Variants in MYT1L observed in about 807,000 individuals in gnomAD.
MYT1L encodes myelin transcription factor 1 like.
In MYT1L, 12 loss-of-function variants were observed where a neutral mutation model predicts 126.7. That is an observed-to-expected ratio of 0.09 (90% CI 0.06 to 0.15). The LOEUF (loss-of-function observed/expected upper bound fraction) is 0.15, where lower values mean the gene tolerates loss of function less well. Ranked by LOEUF, MYT1L falls within the 10% of genes least tolerant of loss-of-function variation. The pLI is 1.00. For missense variants in MYT1L, 979 were observed against 1,585.2 expected (o/e 0.62, Z 6.49); for synonymous variants, 541 against 604.2 (o/e 0.90, Z 1.53).
intron 3 of MYT1L, among the ~76,000 whole-genome samples, chr2:2,120,779 G>C (rs1207327394): frequency 6.6e-6 from 1 of 152,128 alleles, no homozygotes; most frequent in Non-Finnish European, 1.5e-5. Flanking sequence ...GGATACGAAT[G>C]TGCGCATTGC....
chr2:1,980,316 CTA>C (rs142559534), intron 5 of MYT1L, among the ~76,000 whole-genome samples: 27 of 146,522 alleles, frequency 1.8e-4, no homozygotes, highest in African/African-American at 6.2e-4. Flanking sequence ...ATATTTATAT[CTA>C]TATATACACA....
chr2:1,844,520 G>A (rs2042239605), intron 19 of MYT1L, among the ~76,000 whole-genome samples: 1 of 152,194 alleles, frequency 6.6e-6, no homozygotes, highest in Admixed American at 6.5e-5. Context: ...AGAAGGATCT[G>A]AGCGGCCACT....
intron 9 of MYT1L, among the ~76,000 whole-genome samples, chr2:1,937,965 C>T (rs1400001775): frequency 4.6e-5 from 7 of 152,188 alleles, no homozygotes; most frequent in Non-Finnish European, 1.0e-4. Flanking sequence ...GATTTAGCCC[C>T]GTGATCAAGT....
chr2:1,858,277 A>G (rs2148591576), intron 18 of MYT1L, among the ~76,000 whole-genome samples: 1 of 152,352 alleles, frequency 6.6e-6, no homozygotes, highest in Non-Finnish European at 1.5e-5. Context: ...CTCGATACCC[A>G]TTTTTAGTCT....
rs188048684 is a variant in MYT1L, at chr2:1,965,060, G to C, written c.152+14105C>G. Reference sequence around the variant, plus strand: ...AAAATTAAATTCACCAGAGTATTCCGGTCACCAGCAGCACTACTATGCACA... The same window carrying C: ...AAAATTAAATTCACCAGAGTATTCCCGTCACCAGCAGCACTACTATGCACA... On this transcript the variant is annotated intron_variant, in intron 8 of 24. Coordinates refer to ENST00000647738, the MANE Select transcript of MYT1L (RefSeq NM_001303052.2). 3.0e-4 allele frequency among the ~76,000 whole-genome samples: 45 copies of C among 152,306 alleles called. No homozygotes were observed. In the South Asian group the frequency reaches 8.9e-3, roughly 30 times the overall value.
chr2:2,026,268 G>C (rs1000987750), intron 4 of MYT1L, among the ~76,000 whole-genome samples: 1 of 152,190 alleles, frequency 6.6e-6, no homozygotes, highest in East Asian at 1.9e-4. Flanking sequence ...AGGGTGTGCG[G>C]GGGACGTGGG....
Position 1,801,663 on chromosome 2 carries a change from A to C in MYT1L, c.3276+33T>G. The C allele has an allele frequency of 2.9e-6, 4 of 1,366,806 alleles. No homozygotes were observed. Among genetic ancestry groups the C allele is most frequent in the Non-Finnish European group, 3.1e-6 (3 of 963,150 alleles). 84.7% of individuals were successfully genotyped at this position (1,366,806 alleles called of 1,614,324 possible). A position where few individuals can be genotyped will look rare whatever the true frequency, so the allele number is the denominator to read the frequency against. On this transcript the variant is annotated intron_variant, in intron 23 of 24. Transcript: ENST00000647738. This position sits in a 1 kb window ranked among gnomAD's most constrained non-coding sequence, Gnocchi z 4.2. ...TATCTCTGGTATAATGGCGCGTGTT[A>C]GAGCTAAAATTGAGGGCTTCAAAAA...
At chr2:1,850,123 C>A (rs2043033995) in intron 19 of MYT1L, among the ~76,000 whole-genome samples, 1 of 151,140 alleles carries the variant, frequency 6.6e-6, no homozygotes, top group Non-Finnish European at 1.5e-5. Flanking sequence ...CGCTCCCTTC[C>A]CTCCTGCCCC....
intron 3 of MYT1L, among the ~76,000 whole-genome samples, chr2:2,156,979 A>T (rs1046956757): frequency 5.3e-5 from 8 of 152,230 alleles, no homozygotes; most frequent in African/African-American, 1.7e-4. Context: ...TTTGGGGGAA[A>T]ATCTCAAGAT....
intron 8 of MYT1L, among the ~76,000 whole-genome samples, chr2:1,960,878 C>G (rs1042745515): frequency 6.6e-6 from 1 of 152,090 alleles, no homozygotes; most frequent in East Asian, 1.9e-4. Context: ...GCAGTGCACC[C>G]GCCTCCCTGG....
At chr2:2,003,823 C>T (rs1311675155) in intron 4 of MYT1L, among the ~76,000 whole-genome samples, 1 of 152,234 alleles carries the variant, frequency 6.6e-6, no homozygotes, top group East Asian at 1.9e-4. Context: ...TCTCATGGCC[C>T]CAGGCCCGGC....
intron 18 of MYT1L, among the ~76,000 whole-genome samples, chr2:1,861,176 G>A (rs1164054816): frequency 2.6e-5 from 4 of 152,170 alleles, no homozygotes; most frequent in Non-Finnish European, 5.9e-5. Context: ...GCCTGGAGGG[G>A]TCCTGAGGGC....
intron 4 of MYT1L, among the ~76,000 whole-genome samples, chr2:2,014,815 A>C (rs1241187384): frequency 1.3e-5 from 2 of 152,236 alleles, no homozygotes; most frequent in African/African-American, 4.8e-5. Context: ...CCGGGGAAGA[A>C]GATTCACTGG....
rs561777467 is a variant in MYT1L at position 1,945,881 on chromosome 2, G to A, written c.153-2547C>T. ...TTTCTTCTATCAATACTTCTAAAACGATTTAGACCAATTGCACTAGCGAAA... is the reference window on the plus strand; with the variant it reads ...TTTCTTCTATCAATACTTCTAAAACAATTTAGACCAATTGCACTAGCGAAA... On this transcript the variant is annotated intron_variant, in intron 8 of 24. Transcript: ENST00000647738. 6.6e-5 allele frequency among the ~76,000 whole-genome samples: 10 copies of A among 152,222 alleles called. No homozygotes were observed. In the South Asian group the frequency reaches 1.9e-3, roughly 28 times the overall value.
chr2:2,146,530 C>T (rs1219306015), intron 3 of MYT1L, among the ~76,000 whole-genome samples: 1 of 152,204 alleles, frequency 6.6e-6, no homozygotes, highest in Non-Finnish European at 1.5e-5. Context: ...TCAGCCCACC[C>T]CTGGAGACAG....
At chr2:1,859,830 G>A (rs1047541238) in intron 18 of MYT1L, among the ~76,000 whole-genome samples, 6 of 152,240 alleles carry the variant, frequency 3.9e-5, no homozygotes, top group South Asian at 4.1e-4. Flanking sequence ...CTGCCCCAGC[G>A]TTGGGGACAG....
intron 5 of MYT1L, 102 bp downstream of exon 5, chr2:1,997,089 G>C (rs1023489753): frequency 6.7e-6 from 1 of 148,848 alleles, no homozygotes; most frequent in Non-Finnish European, 1.5e-5. Context: ...CCTCAGTGTG[G>C]GCTGTACAGA....
intron 1 of MYT1L, among the ~76,000 whole-genome samples, chr2:2,321,023 G>T (rs1034777366): frequency 1.3e-5 from 2 of 152,188 alleles, no homozygotes; most frequent in Middle Eastern, 3.2e-3. Context: ...ATGCCATGCT[G>T]GCATGAGGTA....
intron 8 of MYT1L, among the ~76,000 whole-genome samples, chr2:1,956,635 T>G (rs988345073): frequency 7.0e-6 from 1 of 142,802 alleles, no homozygotes; most frequent in Non-Finnish European, 1.6e-5. Flanking sequence ...TACCTACCTA[T>G]CTAGCTATCT....
Sources: allele counts gnomAD v4.1 joint callset (sites outside exome capture counted in the v4.1 genomes callset), GRCh38; gene constraint gnomAD v4.1.1; non-coding constraint Gnocchi (gnomAD v3.1); transcripts MANE v1.5; gene names NCBI Gene and HGNC (gene_info 2026-07-23, HGNC 2026-07-21).